DTNB: variants seen among roughly 807,000 people sequenced by gnomAD.
DTNB encodes DTN-B.
Under a neutral mutation model 90.7 loss-of-function variants are expected in DTNB, and 63 were observed. The ratio of observed to expected loss-of-function variants is 0.69; its 90% CI spans 0.57 to 0.86. The LOEUF is 0.86. Among genes scored for constraint, DTNB ranks in the 40% least tolerant of loss-of-function variants. The pLI, the probability that DTNB is intolerant of heterozygous loss-of-function variation, is 0.00. For synonymous variants in DTNB, 277 were observed against 286.7 expected, an observed-to-expected ratio of 0.97 and a Z score of 0.34; for missense variants, 744 against 807.1, an observed-to-expected ratio of 0.92 and a Z score of 0.95.
intron 4 of DTNB, among the ~76,000 whole-genome samples, chr2:25,618,980 C>A (rs894765474): frequency 6.6e-6 from 1 of 152,164 alleles, no homozygotes; most frequent in African/African-American, 2.4e-5. Context: ...CATGCAGGTA[C>A]CTTCTGAAGC....
intron 6 of DTNB, among the ~76,000 whole-genome samples, chr2:25,592,609 C>G (rs1193590470): frequency 6.6e-6 from 1 of 151,050 alleles, no homozygotes; most frequent in Non-Finnish European, 1.5e-5. Flanking sequence ...AGAATTAAAA[C>G]TATATTAAAA....
chr2:25,539,873 A>T (rs1245266179), intron 8 of DTNB, among the ~76,000 whole-genome samples: 1 of 152,174 alleles, frequency 6.6e-6, no homozygotes, highest in African/African-American at 2.4e-5. Flanking sequence ...ATCTGAATCT[A>T]CTTAGAAATA....
chr2:25,558,425 AG>A (rs1390225690), intron 8 of DTNB: 1 of 985,118 alleles, frequency 1.0e-6, no homozygotes, highest in Non-Finnish European at 1.2e-6. Flanking sequence ...AACAAAAAAA[AG>A]ATCTAAAGTT....
At chr2:25,378,434 G>A (rs1246105889) in intron 20 of DTNB, among the ~76,000 whole-genome samples, 6 of 152,342 alleles carry the variant, frequency 3.9e-5, no homozygotes, top group Admixed American at 6.5e-5. Flanking sequence ...ATGGCCTGGC[G>A]CGGTTGGGCA....
At chr2:25,546,602 T>A (rs1374363724) in intron 8 of DTNB, among the ~76,000 whole-genome samples, 2 of 152,228 alleles carry the variant, frequency 1.3e-5, no homozygotes, top group Non-Finnish European at 2.9e-5. Flanking sequence ...CCTCTGGGGC[T>A]AAATCCAGTA....
At chr2:25,650,272 T>G (rs1274761958) in intron 2 of DTNB, 1 of 982,072 alleles carries the variant, frequency 1.0e-6, no homozygotes, top group Non-Finnish European at 1.2e-6. Context: ...ACATGGAAGT[T>G]TCATGAAGTG....
rs935884264 is a variant in DTNB at position 25,432,602 on chromosome 2, G to C, written c.1457+284C>G. ...TTAAGAGACAGACTGCAGCACAGTG[G>C]TCTTCTTAAAGCAATCACAGAAGTA... On this transcript the variant is annotated intron_variant, in intron 14 of 20. Coordinates refer to ENST00000406818, the MANE Select transcript of DTNB (RefSeq NM_021907.5). Among the ~76,000 whole-genome samples the C allele has an allele frequency of 2.6e-5, 4 of 152,328 alleles. 1 individual carries two copies. Among genetic ancestry groups the C allele is most frequent in the Admixed American group, 2.6e-4 (4 of 15,300 alleles).
chr2:25,458,657 A>G (rs1300595266), intron 10 of DTNB, among the ~76,000 whole-genome samples: 3 of 150,212 alleles, frequency 2.0e-5, no homozygotes, highest in Non-Finnish European at 4.4e-5. Flanking sequence ...TTATTTATTT[A>G]TTTTTGAGAT....
chr2:25,663,549 A>G (rs2083710109), intron 1 of DTNB, among the ~76,000 whole-genome samples: 1 of 152,174 alleles, frequency 6.6e-6, no homozygotes, highest in African/African-American at 2.4e-5. Flanking sequence ...CTATTTCTTT[A>G]TAACATTTTA....
Position 25,482,975 on chromosome 2 carries a change from G to A in DTNB, c.1002-102C>T, listed in dbSNP as rs6761780. 278 of 1,243,166 alleles carry A rather than the reference G, an allele frequency of 2.2e-4. No homozygotes were observed. The African/African-American group carries it at 3.4e-3, about 15-fold the overall frequency. The allele number at this position is 1,243,166 out of a possible 1,614,324, so 77.0% of individuals were successfully genotyped here. ...AGAGCAAAGGGACCAATCATCATTC[G>A]CGGTAAGCACAGACGGACCCATGGG... On this transcript the variant is annotated intron_variant, in intron 9 of 20. Coordinates refer to ENST00000406818, the MANE Select transcript of DTNB (RefSeq NM_021907.5).
intron 7 of DTNB, among the ~76,000 whole-genome samples, chr2:25,580,479 C>T (rs968684010): frequency 1.6e-4 from 24 of 151,062 alleles, no homozygotes; most frequent in South Asian, 2.1e-4. Flanking sequence ...CAGGATTGCA[C>T]CACAGCACTC....
chr2:25,537,135 A>G (rs1247983855), intron 8 of DTNB, among the ~76,000 whole-genome samples: 1 of 152,084 alleles, frequency 6.6e-6, no homozygotes, highest in African/African-American at 2.4e-5. Context: ...TATTTGAACA[A>G]ATTATTTACC....
intron 7 of DTNB, among the ~76,000 whole-genome samples, chr2:25,579,919 G>A (rs896658492): frequency 6.6e-6 from 1 of 151,434 alleles, no homozygotes; most frequent in Non-Finnish European, 1.5e-5. Flanking sequence ...GAATCTTAGG[G>A]AGGAAAAGCC....
At chr2:25,381,278 T>C (rs1351596098) in intron 19 of DTNB, among the ~76,000 whole-genome samples, 1 of 152,236 alleles carries the variant, frequency 6.6e-6, no homozygotes, top group Non-Finnish European at 1.5e-5. Context: ...CTTCACCTTT[T>C]GCCCTCCTGC....
At chr2:25,656,524 A>G (rs1035182913) in intron 1 of DTNB, among the ~76,000 whole-genome samples, 7 of 152,158 alleles carry the variant, frequency 4.6e-5, no homozygotes, top group East Asian at 1.9e-4. Flanking sequence ...GAGATAACCA[A>G]TATCATTACC....
chr2:25,633,942 C>A (rs963718415), intron 3 of DTNB, among the ~76,000 whole-genome samples: 1 of 151,670 alleles, frequency 6.6e-6, no homozygotes, highest in Non-Finnish European at 1.5e-5. Flanking sequence ...CTGGCAACCG[C>A]CCCGTCTGAG....
chr2:25,664,289 G>A (rs1364063257), intron 1 of DTNB, among the ~76,000 whole-genome samples: 1 of 152,110 alleles, frequency 6.6e-6, no homozygotes, highest in East Asian at 1.9e-4. Flanking sequence ...CTGTTCACGT[G>A]TATTTGTATT....
chr2:25,448,920 C>A (rs905363069), intron 12 of DTNB, among the ~76,000 whole-genome samples: 6 of 151,806 alleles, frequency 4.0e-5, no homozygotes, highest in African/African-American at 1.5e-4. Flanking sequence ...TCCTGCAACC[C>A]ACACCCCTAT....
At chr2:25,419,722 A>G (rs952923107) in intron 15 of DTNB, among the ~76,000 whole-genome samples, 187 bp from the exon 16 acceptor site, 1 of 152,174 alleles carries the variant, frequency 6.6e-6, no homozygotes, top group Non-Finnish European at 1.5e-5. Context: ...AGCAAGCAGC[A>G]GGCCTCGGCC....
Sources: gnomAD v4.1 joint callset for allele counts (sites outside exome capture counted in the v4.1 genomes callset) on GRCh38, gnomAD v4.1.1 for gene constraint, MANE v1.5 for transcripts, NCBI Gene and HGNC (gene_info 2026-07-23, HGNC 2026-07-21) for gene names.